TRABD2B: variants seen among roughly 807,000 people sequenced by gnomAD.
The protein encoded by TRABD2B is TraB domain containing 2B, also known as metalloprotease TIKI2.
A neutral mutation model predicts 40.1 loss-of-function variants in TRABD2B; 14 were observed. The ratio of observed to expected loss-of-function variants is 0.35; its 90% CI spans 0.23 to 0.55. The LOEUF is 0.55. Ranked by LOEUF, TRABD2B falls within the 20% of genes least tolerant of loss-of-function variation. The pLI, the probability that TRABD2B is intolerant of heterozygous loss-of-function variation, is 0.90. For synonymous variants in TRABD2B, 263 were observed against 277.0 expected, an observed-to-expected ratio of 0.95 and a Z score of 0.50; for missense variants, 541 against 648.6, an observed-to-expected ratio of 0.83 and a Z score of 1.80.
chr1:47,911,560 C>T (rs961087701), intron 2 of TRABD2B, among the ~76,000 whole-genome samples: 2 of 152,362 alleles, frequency 1.3e-5, no homozygotes, highest in Middle Eastern at 6.8e-3. Context: ...GTAAGCGACA[C>T]TCACCTTGCG....
At chr1:47,793,084 T>G (rs1644698085) in intron 4 of TRABD2B, among the ~76,000 whole-genome samples, 1 of 152,090 alleles carries the variant, frequency 6.6e-6, no homozygotes, top group Admixed American at 6.5e-5. Flanking sequence ...ACCCTCTCCA[T>G]GCTGCCAGTC....
intron 2 of TRABD2B, among the ~76,000 whole-genome samples, chr1:47,986,788 T>G (rs1645924692): frequency 6.6e-6 from 1 of 152,172 alleles, no homozygotes; most frequent in Admixed American, 6.5e-5. Flanking sequence ...AGTTTTGTGT[T>G]CCAGCGGATA....
chr1:47,937,417 T>A (rs548836606), intron 2 of TRABD2B, among the ~76,000 whole-genome samples: 2 of 151,974 alleles, frequency 1.3e-5, no homozygotes, highest in South Asian at 2.1e-4. Flanking sequence ...ACTACTACCA[T>A]CATGATCATC....
intron 2 of TRABD2B, among the ~76,000 whole-genome samples, chr1:47,964,762 C>T (rs895733702): frequency 2.0e-5 from 3 of 152,046 alleles, no homozygotes; most frequent in African/African-American, 7.2e-5. Context: ...GGGTCCAGGC[C>T]GGACTTAGTT....
At chr1:47,849,256 C>T (rs571712793) in intron 2 of TRABD2B, among the ~76,000 whole-genome samples, 1 of 152,216 alleles carries the variant, frequency 6.6e-6, no homozygotes, top group Admixed American at 6.5e-5. Flanking sequence ...TGACTGTTGC[C>T]CTTATAAAAA....
At position 47,813,016 on chromosome 1, in the gene TRABD2B, C is replaced by T. The variant is rs190722303; in HGVS notation, c.667-11397G>A. ...GTCTACACGGGAGGCGATCAGTCAG[C>T]GGTAGCCGTGGTTACCATTATCACT... On this transcript the variant is annotated intron_variant, in intron 2 of 6. Transcript: ENST00000606738. The surrounding 1 kb of genome is among the most constrained non-coding windows in gnomAD (Gnocchi z 4.3). Among the ~76,000 whole-genome samples, 20 of 152,206 alleles carry T rather than the reference C, an allele frequency of 1.3e-4. No individual in the cohort carries two copies. Among genetic ancestry groups the T allele is most frequent in the Non-Finnish European group, 2.6e-4 (18 of 68,040 alleles).
chr1:47,920,032 A>C (rs1644881313), intron 2 of TRABD2B, among the ~76,000 whole-genome samples: 1 of 152,218 alleles, frequency 6.6e-6, no homozygotes, highest in South Asian at 2.1e-4. Context: ...CAGAAAGCTC[A>C]ATTACCTTTG....
rs571090424 is a variant in TRABD2B, at chr1:47,792,393, C to T, written c.988+2193G>A. On this transcript the variant is annotated intron_variant, in intron 4 of 6. Transcript: ENST00000606738. ...AGCATGGGAGACAAAGCCAGCACCA[C>T]TCACTGACCACAATGTGGGGAGGAG... Among the ~76,000 whole-genome samples, 53 of 152,350 alleles carry T rather than the reference C, an allele frequency of 3.5e-4. No homozygotes were observed. In the South Asian group the frequency reaches 5.0e-3, roughly 14 times the overall value.
chr1:47,872,302 T>C (rs1316448835), intron 2 of TRABD2B, among the ~76,000 whole-genome samples: 2 of 152,188 alleles, frequency 1.3e-5, no homozygotes, highest in Non-Finnish European at 2.9e-5. Flanking sequence ...AGTCTGGCTG[T>C]TGTGGTTTCA....
chr1:47,952,293 A>T (rs1645356614), intron 2 of TRABD2B, among the ~76,000 whole-genome samples: 1 of 152,110 alleles, frequency 6.6e-6, no homozygotes, highest in Non-Finnish European at 1.5e-5. Context: ...GGCCCCAGGT[A>T]CATCTCCTCC....
chr1:47,895,663 CA>C (rs1644507737), intron 2 of TRABD2B, among the ~76,000 whole-genome samples: 1 of 152,202 alleles, frequency 6.6e-6, no homozygotes, highest in African/African-American at 2.4e-5. Context: ...AGACAGAGTT[CA>C]CTCCTCATTT....
rs1177689233 is a variant in TRABD2B, at chr1:47,994,635, A to C, written c.103-38T>G. On this transcript the variant is annotated intron_variant, in intron 1 of 6. Transcript: ENST00000606738. The surrounding 1 kb of genome is among the most constrained non-coding windows in gnomAD (Gnocchi z 6.7). ...AGAAGAGGCAAGGCAGTGAGGCCGAAGGCAACAGAGTAGAGTCAGGGTAGC... is the reference window on the plus strand; with the variant it reads ...AGAAGAGGCAAGGCAGTGAGGCCGACGGCAACAGAGTAGAGTCAGGGTAGC... The C allele has an allele frequency of 2.7e-6, 4 of 1,508,638 alleles. No individual in the cohort carries two copies. Among genetic ancestry groups the C allele is most frequent in the African/African-American group, 2.8e-5 (2 of 72,696 alleles). 93.5% of individuals were successfully genotyped at this position (1,508,638 alleles called of 1,614,324 possible).
At chr1:47,982,938 G>C (rs906153868) in intron 2 of TRABD2B, among the ~76,000 whole-genome samples, 6 of 152,148 alleles carry the variant, frequency 3.9e-5, no homozygotes, top group African/African-American at 1.4e-4. Context: ...CCACCAGCAG[G>C]CCTCACCATG....
intron 2 of TRABD2B, among the ~76,000 whole-genome samples, chr1:47,953,049 T>C (rs1161359504): frequency 6.6e-6 from 1 of 151,272 alleles, no homozygotes; most frequent in Non-Finnish European, 1.5e-5. Flanking sequence ...CAGCAATCCC[T>C]AGCTACCATT....
At chr1:47,873,911 C>T (rs1049620183) in intron 2 of TRABD2B, among the ~76,000 whole-genome samples, 7 of 152,178 alleles carry the variant, frequency 4.6e-5, no homozygotes, top group Non-Finnish European at 8.8e-5. Flanking sequence ...AAAACACTGG[C>T]TTTCTGTGTA....
intron 2 of TRABD2B, among the ~76,000 whole-genome samples, chr1:47,914,698 T>C (rs1179206387): frequency 2.0e-5 from 3 of 152,140 alleles, no homozygotes; most frequent in African/African-American, 4.8e-5. Context: ...GCCCCCTCCA[T>C]AGAAAGAGCT....
At chr1:47,916,766 G>A (rs898116652) in intron 2 of TRABD2B, among the ~76,000 whole-genome samples, 7 of 152,056 alleles carry the variant, frequency 4.6e-5, no homozygotes, top group Admixed American at 4.6e-4. Context: ...CTTCCCACCT[G>A]GCTCTTCTCC....
intron 4 of TRABD2B, among the ~76,000 whole-genome samples, chr1:47,784,668 C>CA (rs1644571492): frequency 6.6e-6 from 1 of 152,076 alleles, no homozygotes; most frequent in Admixed American, 6.5e-5. Flanking sequence ...GTTTTTTTTC[C>CA]TGAGGAAGTA....
At chr1:47,771,294 A>AT (rs1644374913) in intron 6 of TRABD2B, among the ~76,000 whole-genome samples, 1 of 152,160 alleles carries the variant, frequency 6.6e-6, no homozygotes, top group Non-Finnish European at 1.5e-5. Flanking sequence ...CCAGAGGACA[A>AT]TGACTCTGTG....
Sources: allele counts gnomAD v4.1 joint callset (sites outside exome capture counted in the v4.1 genomes callset), GRCh38; gene constraint gnomAD v4.1.1; non-coding constraint Gnocchi (gnomAD v3.1); transcripts MANE v1.5; gene names NCBI Gene and HGNC (gene_info 2026-07-23, HGNC 2026-07-21).